EFCAB11: variants seen among roughly 807,000 people sequenced by gnomAD.
EFCAB11 encodes the protein EF-hand calcium binding domain 11.
EFCAB11 carries 14 observed loss-of-function variants against 23.0 expected under a neutral mutation model. The observed-to-expected ratio is 0.61, with a 90% confidence interval of 0.40 to 0.95. The LOEUF (loss-of-function observed/expected upper bound fraction) is 0.95, where lower values mean the gene tolerates loss of function less well. EFCAB11 is among the 40% of genes least tolerant of loss of function. The probability of loss-of-function intolerance (pLI) is 0.00; values close to 1 mark genes in which losing one functional copy is unlikely to be tolerated. For missense variants in EFCAB11, 198 were observed against 195.8 expected (o/e 1.01, Z -0.07); for synonymous variants, 65 against 66.6 (o/e 0.98, Z 0.11).
At chr14:89,912,176 A>G (rs1889701328) in intron 5 of EFCAB11, among the ~76,000 whole-genome samples, 1 of 152,236 alleles carries the variant, frequency 6.6e-6, no homozygotes, top group Non-Finnish European at 1.5e-5. Context: ...TGTGGGTTAA[A>G]ACTGAGGTAA....
At chr14:89,853,804 G>A (rs1887666948) in intron 5 of EFCAB11, among the ~76,000 whole-genome samples, 1 of 152,132 alleles carries the variant, frequency 6.6e-6, no homozygotes, top group Non-Finnish European at 1.5e-5. Flanking sequence ...AGTACAATCT[G>A]CAATTGTTAT....
rs985996514 is a variant in EFCAB11 at position 89,834,389 on chromosome 14, A to AC, written c.411-37066_411-37065insG. 2.1e-3 allele frequency among the ~76,000 whole-genome samples: 319 copies of AC among 149,520 alleles called. 12 individuals are homozygous for AC. Among genetic ancestry groups the AC allele is most frequent in the Admixed American group, 3.1e-3 (46 of 14,872 alleles). The stretch of plus-strand genomic sequence containing the variant: ...AGACTCCGTCTCAAAAAAAAAAAAA[A>AC]AAAAAAAAAAAAAACCTTTTTGTTT... On this transcript the variant is annotated intron_variant, in intron 5 of 5. Coordinates refer to ENST00000316738, the MANE Select transcript of EFCAB11 (RefSeq NM_145231.4).
intron 5 of EFCAB11, among the ~76,000 whole-genome samples, chr14:89,841,391 TTC>T (rs991494836): frequency 1.3e-5 from 2 of 151,236 alleles, no homozygotes; most frequent in Non-Finnish European, 2.9e-5. Flanking sequence ...TCCCCATCCT[TTC>T]TCTCTCCCCT....
At chr14:89,898,664 CTCTT>C (rs1415200486) in intron 5 of EFCAB11, among the ~76,000 whole-genome samples, 1 of 112,466 alleles carries the variant, frequency 8.9e-6, no homozygotes, top group East Asian at 2.2e-4. Context: ...CGCGCCTGGC[CTCTT>C]TTTTTTTTTT....
In EFCAB11 at chr14:89,795,597, GCGGA is replaced by G. The variant is rs2140066696; in HGVS notation, c.*1642_*1645del. 1 of 152,022 alleles carries G rather than the reference GCGGA, an allele frequency of 6.6e-6. No individual in the cohort carries two copies. Among genetic ancestry groups the G allele is most frequent in the African/African-American group, 2.4e-5 (1 of 41,480 alleles). 9.4% of individuals were successfully genotyped at this position (152,022 alleles called of 1,614,324 possible). On this transcript the variant is annotated 3_prime_UTR_variant, in exon 6 of 6. Coordinates refer to ENST00000316738, the MANE Select transcript of EFCAB11 (RefSeq NM_145231.4). ...CAGGAGAATCACTTGATCCCAGGAG[GCGGA>G]AGTTGCAGTGAGCCGAGATCGCGCA... is the stretch of plus-strand genomic sequence containing the variant.
chr14:89,798,219 G>C (rs749081797), intron 5 of EFCAB11, among the ~76,000 whole-genome samples: 4 of 152,226 alleles, frequency 2.6e-5, no homozygotes, highest in Non-Finnish European at 5.9e-5. Context: ...AGTCTCTGAA[G>C]TCTATAATGG....
chr14:89,839,787 C>A (rs1248575061), intron 5 of EFCAB11, among the ~76,000 whole-genome samples: 2 of 147,740 alleles, frequency 1.4e-5, no homozygotes, highest in African/African-American at 5.0e-5. Context: ...ATGGCTGGAG[C>A]AGGGGGAAGA....
intron 5 of EFCAB11, among the ~76,000 whole-genome samples, chr14:89,853,921 C>T (rs187926765): frequency 6.6e-5 from 10 of 151,640 alleles, no homozygotes; most frequent in Admixed American, 5.3e-4. Context: ...CAGATTAGCA[C>T]AAAAAAGAGA....
chr14:89,810,712 C>A (rs1596376608), intron 5 of EFCAB11, among the ~76,000 whole-genome samples: 1 of 148,844 alleles, frequency 6.7e-6, no homozygotes, highest in South Asian at 2.1e-4. Context: ...GCTGAGATTG[C>A]GCCACTGCAC....
intron 5 of EFCAB11, among the ~76,000 whole-genome samples, chr14:89,874,243 A>C (rs1888366083): frequency 6.6e-6 from 1 of 152,196 alleles, no homozygotes; most frequent in Admixed American, 6.5e-5. Flanking sequence ...TTTTAGCCAC[A>C]GATGGGATGC....
chr14:89,890,950 A>G (rs1327401073), intron 5 of EFCAB11, among the ~76,000 whole-genome samples: 3 of 152,254 alleles, frequency 2.0e-5, no homozygotes, highest in Admixed American at 2.0e-4. Context: ...AAGGAGTAAG[A>G]GAAAAATGAA....
intron 5 of EFCAB11, among the ~76,000 whole-genome samples, chr14:89,812,031 T>C (rs1283446411): frequency 1.3e-5 from 2 of 152,162 alleles, no homozygotes; most frequent in Non-Finnish European, 2.9e-5. Flanking sequence ...TTATCATATA[T>C]AAAAAGAAAA....
intron 3 of EFCAB11, among the ~76,000 whole-genome samples, chr14:89,946,977 T>C (rs561499881): frequency 1.6e-4 from 24 of 152,322 alleles, no homozygotes; most frequent in Admixed American, 1.4e-3. Flanking sequence ...AAAGATACTA[T>C]TAAGGATGTT....
chr14:89,882,975 G>C (rs1252696049), intron 5 of EFCAB11, among the ~76,000 whole-genome samples: 1 of 152,010 alleles, frequency 6.6e-6, no homozygotes, highest in Non-Finnish European at 1.5e-5. Flanking sequence ...TGGTTGTTAA[G>C]AAGAGCCGGG....
intron 5 of EFCAB11, among the ~76,000 whole-genome samples, chr14:89,826,459 ATT>A (rs1029084795): frequency 2.7e-5 from 4 of 146,442 alleles, no homozygotes; most frequent in East Asian, 2.0e-4. Flanking sequence ...AAGAGGTTAG[ATT>A]TTTTTTTTTT....
chr14:89,938,249 G>C (rs931427880), intron 3 of EFCAB11: 4 of 152,126 alleles, frequency 2.6e-5, no homozygotes, highest in African/African-American at 4.8e-5. Context: ...TAGAAAGGAA[G>C]GGTTCATGTT....
chr14:89,901,132 T>G (rs1021353358), intron 5 of EFCAB11, among the ~76,000 whole-genome samples: 5 of 152,212 alleles, frequency 3.3e-5, no homozygotes, highest in Non-Finnish European at 7.3e-5. Flanking sequence ...AACTGCTAAT[T>G]TTTTTAAAAC....
intron 4 of EFCAB11, among the ~76,000 whole-genome samples, chr14:89,932,047 C>A (rs1890408666): frequency 6.6e-6 from 1 of 152,148 alleles, no homozygotes; most frequent in African/African-American, 2.4e-5. Context: ...GAAACCATAA[C>A]AGCAGTCAAG....
chr14:89,803,403 A>G (rs997286529), intron 5 of EFCAB11, among the ~76,000 whole-genome samples: 40 of 152,232 alleles, frequency 2.6e-4, no homozygotes, highest in African/African-American at 9.4e-4. Context: ...TGTGCCAGAC[A>G]TATCTGTGTT....
Sources: gnomAD v4.1 joint callset for allele counts (sites outside exome capture counted in the v4.1 genomes callset) on GRCh38, gnomAD v4.1.1 for gene constraint, MANE v1.5 for transcripts, NCBI Gene and HGNC (gene_info 2026-07-23, HGNC 2026-07-21) for gene names.